KCNIP4: variants seen among roughly 807,000 people sequenced by gnomAD.
KCNIP4 encodes the protein potassium voltage-gated channel interacting protein 4, also known as Kv channel-interacting protein 4.
Under a neutral mutation model 34.0 loss-of-function variants are expected in KCNIP4, and 12 were observed. That is an observed-to-expected ratio of 0.35 (90% CI 0.23 to 0.57). The LOEUF (loss-of-function observed/expected upper bound fraction) is 0.57, where lower values mean the gene tolerates loss of function less well. Ranked by LOEUF, KCNIP4 falls within the 20% of genes least tolerant of loss-of-function variation. The pLI is 0.83. For synonymous variants in KCNIP4, 124 were observed against 102.2 expected, an observed-to-expected ratio of 1.21 and a Z score of -1.29; for missense variants, 238 against 311.7, an observed-to-expected ratio of 0.76 and a Z score of 1.78.
At chr4:21,455,399 C>A (rs182267848) in intron 1 of KCNIP4, among the ~76,000 whole-genome samples, 1 of 151,992 alleles carries the variant, frequency 6.6e-6, no homozygotes, top group African/African-American at 2.4e-5. Flanking sequence ...CTGAATGCAC[C>A]CAGGGATCTA....
chr4:21,944,718 C>A (rs1730406657), intron 1 of KCNIP4, among the ~76,000 whole-genome samples: 1 of 152,142 alleles, frequency 6.6e-6, no homozygotes. Context: ...GTGGACAGGA[C>A]AGAATACTTC....
At chr4:21,753,083 T>C (rs1369838161) in intron 1 of KCNIP4, among the ~76,000 whole-genome samples, 1 of 152,162 alleles carries the variant, frequency 6.6e-6, no homozygotes, top group Non-Finnish European at 1.5e-5. Context: ...ATGTTTGCAA[T>C]TTAGCAACAG....
intron 1 of KCNIP4, among the ~76,000 whole-genome samples, chr4:21,118,949 G>A (rs1053522178): frequency 6.6e-6 from 1 of 152,182 alleles, no homozygotes; most frequent in Non-Finnish European, 1.5e-5. Flanking sequence ...CGTGAATTCA[G>A]TCACCATTAT....
chr4:21,140,296 C>T (rs1751846881), intron 1 of KCNIP4, among the ~76,000 whole-genome samples: 1 of 152,002 alleles, frequency 6.6e-6, no homozygotes, highest in Non-Finnish European at 1.5e-5. Context: ...GTACACATTC[C>T]ATGAGAATAT....
chr4:20,780,583 A>G (rs1162640993), intron 3 of KCNIP4, among the ~76,000 whole-genome samples: 1 of 152,170 alleles, frequency 6.6e-6, no homozygotes, highest in African/African-American at 2.4e-5. Flanking sequence ...ATTTAACATG[A>G]TGCTGGTGAG....
At chr4:21,067,717 T>C (rs1389361082) in intron 1 of KCNIP4, among the ~76,000 whole-genome samples, 1 of 151,974 alleles carries the variant, frequency 6.6e-6, no homozygotes, top group Non-Finnish European at 1.5e-5. Flanking sequence ...GTGGTGGCCA[T>C]AGGGATGCTT....
chr4:21,922,773 A>T (rs1729004376), intron 1 of KCNIP4, among the ~76,000 whole-genome samples: 1 of 152,212 alleles, frequency 6.6e-6, no homozygotes, highest in South Asian at 2.1e-4. Context: ...AAGAAGGATG[A>T]CATTTGCTAC....
chr4:20,841,340 C>A (rs1719692652), intron 3 of KCNIP4, among the ~76,000 whole-genome samples: 1 of 152,124 alleles, frequency 6.6e-6, no homozygotes, highest in East Asian at 1.9e-4. Context: ...AGGTGCAGCA[C>A]CTGCTGTCAG....
intron 1 of KCNIP4, among the ~76,000 whole-genome samples, chr4:21,739,075 A>G (rs919358655): frequency 6.6e-6 from 1 of 152,148 alleles, no homozygotes; most frequent in Non-Finnish European, 1.5e-5. Flanking sequence ...TGGATTGGCC[A>G]CTACATTTTG....
At chr4:20,772,900 C>T (rs967328390) in intron 3 of KCNIP4, among the ~76,000 whole-genome samples, 3 of 152,152 alleles carry the variant, frequency 2.0e-5, no homozygotes, top group South Asian at 2.1e-4. Context: ...TCTCAAAGTG[C>T]TGGCATTACA....
At chr4:21,170,822 A>G (rs1437063748) in intron 1 of KCNIP4, among the ~76,000 whole-genome samples, 1 of 152,158 alleles carries the variant, frequency 6.6e-6, no homozygotes, top group East Asian at 1.9e-4. Context: ...GTAAAAGTTA[A>G]TTTTCCTATT....
chr4:21,727,067 A>C (rs1715248552), intron 1 of KCNIP4, among the ~76,000 whole-genome samples: 1 of 152,126 alleles, frequency 6.6e-6, no homozygotes, highest in Admixed American at 6.5e-5. Flanking sequence ...ACTCTAGAAT[A>C]CTGAAACACA....
intron 1 of KCNIP4, among the ~76,000 whole-genome samples, chr4:21,570,588 A>G (rs1250053193): frequency 6.6e-6 from 1 of 152,190 alleles, no homozygotes; most frequent in Non-Finnish European, 1.5e-5. Context: ...TGTGGCATCC[A>G]TATGGGAGAA....
chr4:21,886,436 A>G (rs959713354), intron 1 of KCNIP4, among the ~76,000 whole-genome samples: 3 of 152,126 alleles, frequency 2.0e-5, no homozygotes, highest in African/African-American at 7.2e-5. Context: ...ATTATGTCAG[A>G]GAAGGCTTCT....
At chr4:21,339,912 T>C (rs1442362265) in intron 1 of KCNIP4, among the ~76,000 whole-genome samples, 1 of 152,194 alleles carries the variant, frequency 6.6e-6, no homozygotes, top group Non-Finnish European at 1.5e-5. Context: ...CTTATAATTT[T>C]CTACAGTTTC....
intron 1 of KCNIP4, among the ~76,000 whole-genome samples, chr4:21,703,847 A>G (rs150257898): frequency 1.3e-5 from 2 of 152,226 alleles, no homozygotes; most frequent in African/African-American, 2.4e-5. Context: ...AAAAATGTAT[A>G]TAGATGTACA....
chr4:21,291,841 T>A (rs1344395352), intron 1 of KCNIP4, among the ~76,000 whole-genome samples: 1 of 111,942 alleles, frequency 8.9e-6, no homozygotes, highest in Non-Finnish European at 1.7e-5. Flanking sequence ...GCGACAGAGT[T>A]AGACTCCGCC....
intron 1 of KCNIP4, among the ~76,000 whole-genome samples, chr4:21,148,436 A>C (rs1752538810): frequency 6.6e-6 from 1 of 152,200 alleles, no homozygotes; most frequent in Non-Finnish European, 1.5e-5. Flanking sequence ...CACACTTCTC[A>C]TCCACCTACA....
At chr4:21,755,518 G>A (rs1717448351) in intron 1 of KCNIP4, among the ~76,000 whole-genome samples, 1 of 152,152 alleles carries the variant, frequency 6.6e-6, no homozygotes, top group Admixed American at 6.5e-5. Flanking sequence ...GCTAGTGACA[G>A]TCAGGAACAA....
Sources: gnomAD v4.1 joint callset for allele counts (sites outside exome capture counted in the v4.1 genomes callset) on GRCh38, gnomAD v4.1.1 for gene constraint, MANE v1.5 for transcripts, NCBI Gene and HGNC (gene_info 2026-07-23, HGNC 2026-07-21) for gene names.